ZNF385D: variants seen among roughly 807,000 people sequenced by gnomAD.
The protein encoded by ZNF385D is zinc finger protein 659.
Under a neutral mutation model 35.8 loss-of-function variants are expected in ZNF385D, and 15 were observed. The observed-to-expected ratio is 0.42, with a 90% CI of 0.28 to 0.64. The LOEUF (loss-of-function observed/expected upper bound fraction) is 0.64, where lower values mean the gene tolerates loss of function less well. Among genes scored for constraint, ZNF385D ranks in the 30% least tolerant of loss-of-function variants. ZNF385D has a pLI of 0.23. For synonymous variants in ZNF385D, 212 were observed against 186.8 expected (o/e 1.13, Z -1.10); for missense variants, 474 against 494.6 (o/e 0.96, Z 0.39).
intron 3 of ZNF385D, among the ~76,000 whole-genome samples, chr3:22,159,774 C>T (rs1291335359): frequency 1.3e-5 from 2 of 152,074 alleles, no homozygotes; most frequent in Admixed American, 1.3e-4. Context: ...AACAAGAATA[C>T]AGTGTCTTAT....
At chr3:21,731,578 C>G (rs562970104) in intron 1 of ZNF385D, among the ~76,000 whole-genome samples, 1 of 152,140 alleles carries the variant, frequency 6.6e-6, no homozygotes, top group Non-Finnish European at 1.5e-5. Flanking sequence ...TAGGTTTGGA[C>G]AAATGTGTAA....
chr3:21,737,595 TG>T (rs550319181), intron 1 of ZNF385D, among the ~76,000 whole-genome samples: 6 of 152,006 alleles, frequency 3.9e-5, no homozygotes, highest in Non-Finnish European at 8.8e-5. Context: ...TGGTGGTTGG[TG>T]GGGGGGATTT....
chr3:22,169,070 C>G, intron 2 of ZNF385D: 2 of 950,370 alleles, frequency 2.1e-6, no homozygotes. Flanking sequence ...ACAAGCAGAT[C>G]AAGATTTTTA....
intron 3 of ZNF385D, among the ~76,000 whole-genome samples, chr3:22,009,480 G>A (rs1431226063): frequency 5.3e-5 from 8 of 151,778 alleles, no homozygotes; most frequent in African/African-American, 9.7e-5. Context: ...AAAATTAGCC[G>A]GGCGTGGTGT....
intron 3 of ZNF385D, among the ~76,000 whole-genome samples, chr3:21,915,591 C>T (rs1700157839): frequency 6.6e-6 from 1 of 151,984 alleles, no homozygotes; most frequent in African/African-American, 2.4e-5. Context: ...GCATCTGGTT[C>T]ATTCAAGAGA....
At chr3:22,129,909 G>A (rs1262417355) in intron 3 of ZNF385D, among the ~76,000 whole-genome samples, 1 of 152,114 alleles carries the variant, frequency 6.6e-6, no homozygotes, top group African/African-American at 2.4e-5. Flanking sequence ...CACCACAGCT[G>A]GGAGTGTCCT....
chr3:21,788,902 G>A (rs1009494212), intron 3 of ZNF385D, among the ~76,000 whole-genome samples: 5 of 152,212 alleles, frequency 3.3e-5, no homozygotes, highest in Non-Finnish European at 5.9e-5. Context: ...AGAAAGCCTT[G>A]AGACCTGCTG....
intron 3 of ZNF385D, chr3:21,961,294 A>T (rs1225897291): frequency 6.6e-6 from 1 of 152,154 alleles, no homozygotes; most frequent in Non-Finnish European, 1.5e-5. Context: ...TGAATGAAAG[A>T]ACAGAAACTT....
intron 2 of ZNF385D, among the ~76,000 whole-genome samples, chr3:22,189,849 T>C (rs918106502): frequency 1.3e-5 from 2 of 152,186 alleles, no homozygotes; most frequent in African/African-American, 4.8e-5. Flanking sequence ...CCTTGTGTCC[T>C]GTTGAAAGTG....
chr3:22,220,458 A>C (rs1698185245), intron 2 of ZNF385D, among the ~76,000 whole-genome samples: 1 of 152,178 alleles, frequency 6.6e-6, no homozygotes. Flanking sequence ...CTCAACTGGC[A>C]ATATCACAGC....
chr3:22,155,658 A>C (rs1705535055), intron 3 of ZNF385D, among the ~76,000 whole-genome samples: 1 of 152,222 alleles, frequency 6.6e-6, no homozygotes, highest in African/African-American at 2.4e-5. Context: ...TCCTGTTAAA[A>C]TAGTTAATAA....
chr3:22,017,323 GA>G (rs1696954021), intron 3 of ZNF385D, among the ~76,000 whole-genome samples: 2 of 151,882 alleles, frequency 1.3e-5, no homozygotes, highest in Non-Finnish European at 2.9e-5. Flanking sequence ...TCTCAAATAA[GA>G]TTTTATTTTA....
At chr3:21,907,285 C>T (rs747462770) in intron 3 of ZNF385D, among the ~76,000 whole-genome samples, 9 of 152,138 alleles carry the variant, frequency 5.9e-5, no homozygotes, top group Non-Finnish European at 1.3e-4. Flanking sequence ...CATCCAGAGA[C>T]AAACATTGCC....
In ZNF385D at chr3:22,194,100, A is replaced by G. The variant is rs1393858709; in HGVS notation, c.107-25065T>C. On this transcript the variant is annotated intron_variant, in intron 2 of 5. Coordinates refer to the ZNF385D transcript ENST00000494108. The stretch of plus-strand genomic sequence containing the variant: ...TTATACTACCGAACTTTACACATGC[A>G]TGAATGGTAACACAGAAGAATTATT... 2.6e-5 allele frequency among the ~76,000 whole-genome samples: 4 copies of G among 152,076 alleles called. No homozygotes were observed. In the East Asian group the frequency reaches 7.7e-4, roughly 29 times the overall value.
At chr3:21,998,876 A>C (rs2125410268) in intron 3 of ZNF385D, among the ~76,000 whole-genome samples, 1 of 152,316 alleles carries the variant, frequency 6.6e-6, no homozygotes, top group African/African-American at 2.4e-5. Flanking sequence ...GCTCACATGC[A>C]CATACTGAAG....
At chr3:21,895,189 A>C (rs1304556445) in intron 3 of ZNF385D, among the ~76,000 whole-genome samples, 1 of 152,108 alleles carries the variant, frequency 6.6e-6, no homozygotes, top group Non-Finnish European at 1.5e-5. Context: ...GACTGATTAG[A>C]GTTCACCAGG....
At position 21,932,942 on chromosome 3, in the gene ZNF385D, G is replaced by T. The variant is rs116347719; in HGVS notation, c.325+235875C>A. Among the ~76,000 whole-genome samples the T allele has an allele frequency of 1.8e-3, 269 of 152,254 alleles. 3 individuals carry two copies. The highest frequency in any genetic ancestry group is 6.2e-3 in the African/African-American group (259 of 41,548). On this transcript the variant is annotated intron_variant, in intron 3 of 5. Coordinates refer to the ZNF385D transcript ENST00000494108. ...AGCATTTACTGAAATTGGCTACTGG[G>T]ATAGGAGATCGCAAAGCTAGAGCAG...
chr3:22,180,807 C>T (rs990086420), intron 2 of ZNF385D, among the ~76,000 whole-genome samples: 12 of 151,780 alleles, frequency 7.9e-5, no homozygotes, highest in South Asian at 2.1e-4. Flanking sequence ...GAGCTATCTA[C>T]GACAAACCCA....
intron 3 of ZNF385D, among the ~76,000 whole-genome samples, chr3:21,976,842 T>C (rs1242132643): frequency 6.6e-6 from 1 of 152,076 alleles, no homozygotes; most frequent in Non-Finnish European, 1.5e-5. Context: ...AATACAAAAA[T>C]TAGCCAGTTG....
Sources: gnomAD v4.1 joint callset for allele counts (sites outside exome capture counted in the v4.1 genomes callset) on GRCh38, gnomAD v4.1.1 for gene constraint, MANE v1.5 for transcripts, NCBI Gene and HGNC (gene_info 2026-07-23, HGNC 2026-07-21) for gene names.